The following FRMD4A variants were observed in gnomAD, a reference collection of about 807,000 sequenced individuals.
FRMD4A encodes FERM domain-containing protein 4A.
In FRMD4A, 29 loss-of-function variants were observed where a neutral mutation model predicts 129.1. That is an observed-to-expected ratio of 0.22 (90% CI 0.17 to 0.31). The LOEUF (loss-of-function observed/expected upper bound fraction) is 0.31. Among genes scored for constraint, FRMD4A ranks in the 10% least tolerant of loss-of-function variants. FRMD4A has a pLI of 1.00. For synonymous variants in FRMD4A, 634 were observed against 571.6 expected, an observed-to-expected ratio of 1.11 and a Z score of -1.56; for missense variants, 1,272 against 1,375.8, an observed-to-expected ratio of 0.92 and a Z score of 1.19.
intron 2 of FRMD4A, among the ~76,000 whole-genome samples, chr10:14,036,284 T>C (rs1277190590): frequency 6.6e-6 from 1 of 152,016 alleles, no homozygotes; most frequent in Admixed American, 6.5e-5. Context: ...AAAAGATGAG[T>C]TATTATGTTT....
chr10:13,670,676 A>G (rs1564569324), intron 16 of FRMD4A, 148 bp from the exon 17 acceptor site: 1 of 652,916 alleles, frequency 1.5e-6, no homozygotes, highest in East Asian at 2.8e-5. Flanking sequence ...AAATGTTCAC[A>G]TTAAGCACTA....
Position 13,966,404 on chromosome 10 carries a change from G to A in FRMD4A, c.46-107492C>T, listed in dbSNP as rs577374739. Among the ~76,000 whole-genome samples, 6 of 152,270 alleles carry A rather than the reference G, an allele frequency of 3.9e-5. No individual in the cohort carries two copies. The East Asian group carries it at 7.7e-4, about 20-fold the overall frequency. On this transcript the variant is annotated intron_variant, in intron 2 of 24. Transcript: ENST00000357447. ...TGTAATTAAAAGTAATGGCAAACCCGCAATTACTTTTGCACTAACCTAATA... is the reference window on the plus strand; with the variant it reads ...TGTAATTAAAAGTAATGGCAAACCCACAATTACTTTTGCACTAACCTAATA...
At chr10:14,009,662 C>A (rs1170959902) in intron 2 of FRMD4A, among the ~76,000 whole-genome samples, 1 of 152,236 alleles carries the variant, frequency 6.6e-6, no homozygotes, top group East Asian at 1.9e-4. Flanking sequence ...GGCTGGAAAC[C>A]TGGGTTCAGC....
At chr10:14,158,228 G>A (rs1035176883) in intron 2 of FRMD4A, among the ~76,000 whole-genome samples, 1 of 152,184 alleles carries the variant, frequency 6.6e-6, no homozygotes, top group African/African-American at 2.4e-5. Context: ...CAGAGTAGCA[G>A]CTCTACCAGT....
At chr10:14,018,822 G>T (rs1832600879) in intron 2 of FRMD4A, among the ~76,000 whole-genome samples, 1 of 152,154 alleles carries the variant, frequency 6.6e-6, no homozygotes, top group Admixed American at 6.5e-5. Context: ...GAAGATTTGG[G>T]GAGATGATAA....
chr10:14,042,911 C>A, intron 2 of FRMD4A, among the ~76,000 whole-genome samples: 2 of 100,366 alleles, frequency 2.0e-5, no homozygotes, highest in Middle Eastern at 0.012. Context: ...GGTGATAGAG[C>A]AAGACTCCAT....
chr10:14,196,424 T>A (rs1273996016), intron 2 of FRMD4A, among the ~76,000 whole-genome samples: 1 of 152,186 alleles, frequency 6.6e-6, no homozygotes, highest in Non-Finnish European at 1.5e-5. Flanking sequence ...GTTCCTGTTA[T>A]CCAACAGCTT....
intron 23 of FRMD4A, chr10:13,654,150 C>A: frequency 1.8e-6 from 1 of 555,748 alleles, no homozygotes; most frequent in Non-Finnish European, 3.2e-6. Context: ...GAAGCACAGT[C>A]CCACTTCGTG....
At chr10:13,881,948 C>G (rs188923675) in intron 2 of FRMD4A, among the ~76,000 whole-genome samples, 146 of 150,174 alleles carry the variant, frequency 9.7e-4, no homozygotes, top group Middle Eastern at 3.5e-3. Flanking sequence ...ATTGCAAAGG[C>G]TGAAGTCCAG....
chr10:14,034,373 T>A (rs1478576695), intron 2 of FRMD4A, among the ~76,000 whole-genome samples: 3 of 152,154 alleles, frequency 2.0e-5, no homozygotes, highest in Admixed American at 6.5e-5. Flanking sequence ...GCTGGATCCT[T>A]GAGCAGACAG....
At chr10:13,947,312 A>C (rs1038460492) in intron 2 of FRMD4A, among the ~76,000 whole-genome samples, 2 of 152,166 alleles carry the variant, frequency 1.3e-5, no homozygotes, top group African/African-American at 4.8e-5. Flanking sequence ...TATCATTCCC[A>C]ATTAAACAGA....
In FRMD4A at chr10:13,757,944, A is replaced by G. The variant is rs202170477; in HGVS notation, c.464+3703T>C. ...TTTTTAGTAGAGACAGGGTTTCACC[A>G]TGTTGGCCAGGCTGGTCTTGAACTC... On this transcript the variant is annotated intron_variant, in intron 8 of 24. Coordinates refer to ENST00000357447, the MANE Select transcript of FRMD4A (RefSeq NM_018027.5). Among the ~76,000 whole-genome samples the G allele has an allele frequency of 1.2e-4, 18 of 152,222 alleles. 1 individual carries two copies. The East Asian group carries it at 3.5e-3, about 29-fold the overall frequency.
intron 2 of FRMD4A, among the ~76,000 whole-genome samples, chr10:14,146,261 G>A (rs1840069826): frequency 6.6e-6 from 1 of 152,188 alleles, no homozygotes; most frequent in South Asian, 2.1e-4. Context: ...GAATGTGGCA[G>A]CTAGATTATG....
chr10:13,818,854 G>A (rs962268358), intron 3 of FRMD4A, among the ~76,000 whole-genome samples: 15 of 152,116 alleles, frequency 9.9e-5, no homozygotes, highest in Admixed American at 3.9e-4. Context: ...GGCCAGGCAC[G>A]GTGGCTCACG....
intron 2 of FRMD4A, among the ~76,000 whole-genome samples, chr10:13,956,922 A>G (rs1385317241): frequency 6.6e-6 from 1 of 152,188 alleles, no homozygotes; most frequent in Non-Finnish European, 1.5e-5. Flanking sequence ...ACTGAGATTC[A>G]CAATAAGTTC....
chr10:13,684,973 G>C (rs2084941929), intron 15 of FRMD4A: 1 of 983,694 alleles, frequency 1.0e-6, no homozygotes, highest in Admixed American at 6.2e-5. Flanking sequence ...ATGAGGAAAA[G>C]GTTAGAATTC....
intron 2 of FRMD4A, among the ~76,000 whole-genome samples, chr10:14,198,944 G>GCC (rs1352981395): frequency 6.6e-6 from 1 of 152,186 alleles, no homozygotes; most frequent in African/African-American, 2.4e-5. Flanking sequence ...GTACTCAGTA[G>GCC]AGGGCTTGTC....
intron 2 of FRMD4A, among the ~76,000 whole-genome samples, chr10:13,894,015 ACAGG>A (rs1159545591): frequency 6.6e-6 from 1 of 152,056 alleles, no homozygotes; most frequent in Non-Finnish European, 1.5e-5. Context: ...AAAGCCAGAA[ACAGG>A]GATAGAGAGC....
intron 2 of FRMD4A, among the ~76,000 whole-genome samples, chr10:14,041,857 CAG>C (rs985366232): frequency 6.6e-6 from 1 of 152,152 alleles, no homozygotes; most frequent in African/African-American, 2.4e-5. Flanking sequence ...GGTTCAAAAA[CAG>C]AGAAAACTCA....
Sources: allele counts gnomAD v4.1 joint callset (sites outside exome capture counted in the v4.1 genomes callset), GRCh38; gene constraint gnomAD v4.1.1; transcripts MANE v1.5; gene names NCBI Gene and HGNC (gene_info 2026-07-23, HGNC 2026-07-21).